RBM47: variants seen among roughly 807,000 people sequenced by gnomAD.
RBM47 encodes RNA binding motif protein 47.
RBM47 carries 21 observed loss-of-function variants against 47.1 expected under a neutral mutation model. The observed-to-expected ratio is 0.45, with a 90% CI of 0.32 to 0.64. The LOEUF is 0.64. Among genes scored for constraint, RBM47 ranks in the 30% least tolerant of loss-of-function variants. The probability of loss-of-function intolerance (pLI) is 0.05; values close to 1 mark genes in which losing one functional copy is unlikely to be tolerated. For missense variants in RBM47, 708 were observed against 870.9 expected, an observed-to-expected ratio of 0.81 and a Z score of 2.35; for synonymous variants, 375 against 361.7, an observed-to-expected ratio of 1.04 and a Z score of -0.42.
At chr4:40,504,513 G>A (rs773501241) in intron 2 of RBM47, among the ~76,000 whole-genome samples, 1 of 151,970 alleles carries the variant, frequency 6.6e-6, no homozygotes, top group Non-Finnish European at 1.5e-5. Context: ...GGCTGATCTC[G>A]AACTCCTGAC....
At chr4:40,471,729 C>T (rs1242605533) in intron 2 of RBM47, among the ~76,000 whole-genome samples, 9 of 151,678 alleles carry the variant, frequency 5.9e-5, no homozygotes, top group Admixed American at 3.3e-4. Context: ...TATCACCCTT[C>T]TGCTTAAACC....
intron 1 of RBM47, among the ~76,000 whole-genome samples, chr4:40,547,111 C>T (rs1729112285): frequency 6.6e-6 from 1 of 152,092 alleles, no homozygotes; most frequent in Admixed American, 6.6e-5. Context: ...TCCTGGGTTC[C>T]CTTTTAGTGA....
chr4:40,545,011 T>C (rs1728881425), intron 1 of RBM47, among the ~76,000 whole-genome samples: 3 of 150,932 alleles, frequency 2.0e-5, no homozygotes, highest in South Asian at 2.1e-4. Context: ...CAGTGAGCTA[T>C]GATCGTGCAC....
intron 1 of RBM47, among the ~76,000 whole-genome samples, chr4:40,546,105 T>C (rs1333200261): frequency 6.6e-6 from 1 of 152,200 alleles, no homozygotes; most frequent in Non-Finnish European, 1.5e-5. Context: ...TTTCTGCCTA[T>C]ACACAAATAA....
intron 3 of RBM47, among the ~76,000 whole-genome samples, chr4:40,453,993 T>C (rs2154220023): frequency 6.6e-6 from 1 of 152,368 alleles, no homozygotes; most frequent in African/African-American, 2.4e-5. Flanking sequence ...AAATTTTAAA[T>C]GTGGGCTCTA....
intron 1 of RBM47, among the ~76,000 whole-genome samples, chr4:40,586,787 G>A (rs1414240020): frequency 6.6e-6 from 1 of 151,694 alleles, no homozygotes; most frequent in African/African-American, 2.4e-5. Context: ...CTTTCATGAC[G>A]GGTGTCTTCT....
chr4:40,614,529 T>C lies in RBM47; in HGVS notation c.-240+14867A>G, dbSNP rs1281447245. Among the ~76,000 whole-genome samples, 3 of 152,030 alleles carry C rather than the reference T, an allele frequency of 2.0e-5. No individual in the cohort carries two copies. The East Asian group carries it at 5.8e-4, about 29-fold the overall frequency. ...CTGGTTTTTCCAAACCTGACCTCCTTTGGGAAGCTTTACAAGAGTCTTGGC... is the reference window on the plus strand; with the variant it reads ...CTGGTTTTTCCAAACCTGACCTCCTCTGGGAAGCTTTACAAGAGTCTTGGC... On this transcript the variant is annotated intron_variant, in intron 1 of 6. Coordinates refer to ENST00000295971, the MANE Select transcript of RBM47 (RefSeq NM_001098634.2).
chr4:40,506,155 T>C (rs914585268), intron 2 of RBM47, among the ~76,000 whole-genome samples: 6 of 152,330 alleles, frequency 3.9e-5, no homozygotes, highest in Non-Finnish European at 4.4e-5. Context: ...AGCCATTTTA[T>C]TGGAAAAGCA....
chr4:40,469,321 C>T (rs768730873), intron 2 of RBM47, among the ~76,000 whole-genome samples: 25 of 152,048 alleles, frequency 1.6e-4, no homozygotes, highest in Middle Eastern at 3.4e-3. Context: ...GTGCCTTTCA[C>T]GGCTATTCAA....
At chr4:40,507,505 A>G (rs1291744449) in intron 2 of RBM47, among the ~76,000 whole-genome samples, 2 of 152,176 alleles carry the variant, frequency 1.3e-5, no homozygotes, top group Admixed American at 6.5e-5. Context: ...TTCCAGAGTT[A>G]CGGCTGGGCG....
At chr4:40,495,792 G>T (rs562295109) in intron 2 of RBM47, among the ~76,000 whole-genome samples, 2 of 151,360 alleles carry the variant, frequency 1.3e-5, no homozygotes, top group African/African-American at 4.9e-5. Context: ...CCTCCTGGAG[G>T]TTCCTTATTT....
chr4:40,485,061 C>T (rs1387882864), intron 2 of RBM47, among the ~76,000 whole-genome samples: 10 of 151,882 alleles, frequency 6.6e-5, no homozygotes, highest in Admixed American at 6.6e-4. Context: ...AAAATGTTTG[C>T]ACAGTTGTCA....
intron 1 of RBM47, among the ~76,000 whole-genome samples, chr4:40,607,863 G>C (rs1165102778): frequency 2.0e-5 from 3 of 152,158 alleles, no homozygotes; most frequent in Non-Finnish European, 4.4e-5. Flanking sequence ...CTAGCACTTT[G>C]GGAGGTTGAG....
intron 2 of RBM47, among the ~76,000 whole-genome samples, chr4:40,501,372 C>G (rs1723336702): frequency 6.6e-6 from 1 of 152,200 alleles, no homozygotes; most frequent in Non-Finnish European, 1.5e-5. Flanking sequence ...CTGCTGCTCA[C>G]AGTTCTAACC....
intron 1 of RBM47, among the ~76,000 whole-genome samples, chr4:40,616,739 A>G (rs1466328494): frequency 6.6e-6 from 1 of 152,184 alleles, no homozygotes; most frequent in Non-Finnish European, 1.5e-5. Context: ...GTTAGGTAAG[A>G]GACACACAAG....
intron 2 of RBM47, among the ~76,000 whole-genome samples, chr4:40,486,770 C>T (rs1721143047): frequency 6.6e-6 from 1 of 152,200 alleles, no homozygotes; most frequent in Non-Finnish European, 1.5e-5. Flanking sequence ...GGCAGGAGGA[C>T]TTCCCCCATG....
At position 40,498,054 on chromosome 4, in the gene RBM47, T is replaced by TATATATATATATA. The variant is rs1553890650; in HGVS notation, c.-154-31356_-154-31355insTATATATATATAT. ...TGCAAATAAAATGTAAGTGCTTGTTTTATATATATATATATATATATATAT... is the reference window on the plus strand; with the variant it reads ...TGCAAATAAAATGTAAGTGCTTGTTTATATATATATATATATATATATATATATATATATATAT... On this transcript the variant is annotated intron_variant, in intron 2 of 6. Transcript: ENST00000295971. Among the ~76,000 whole-genome samples the TATATATATATATA allele has an allele frequency of 2.0e-3, 216 of 109,818 alleles. 2 individuals are homozygous for TATATATATATATA. Among genetic ancestry groups the TATATATATATATA allele is most frequent in the African/African-American group, 2.8e-3 (89 of 31,658 alleles). The allele number at this position is 109,818 out of a possible 152,430, so 72.0% of individuals were successfully genotyped here.
chr4:40,510,055 C>T lies in RBM47; in HGVS notation c.-155+34367G>A, dbSNP rs371314582. ...ATACAAAATTAGCCAGGCATGATGG[C>T]ACATGCCTGTAATCCCAGCTACTTA... is the stretch of plus-strand genomic sequence containing the variant. On this transcript the variant is annotated intron_variant, in intron 2 of 6. Coordinates refer to ENST00000295971, the MANE Select transcript of RBM47 (RefSeq NM_001098634.2). Among the ~76,000 whole-genome samples the T allele has an allele frequency of 7.6e-4, 115 of 151,824 alleles. 4 individuals carry two copies. The South Asian group carries it at 0.021, about 28-fold the overall frequency.
chr4:40,447,807 G>A (rs1463564879), intron 3 of RBM47, among the ~76,000 whole-genome samples: 2 of 152,016 alleles, frequency 1.3e-5, no homozygotes, highest in African/African-American at 2.4e-5. Flanking sequence ...TCAGGAGATC[G>A]AGACCATCCT....
Sources: gnomAD v4.1 joint callset for allele counts (sites outside exome capture counted in the v4.1 genomes callset) on GRCh38, gnomAD v4.1.1 for gene constraint, MANE v1.5 for transcripts, NCBI Gene and HGNC (gene_info 2026-07-23, HGNC 2026-07-21) for gene names.